PCDH9: variants seen among roughly 807,000 people sequenced by gnomAD.
PCDH9 encodes the protein protocadherin 9, also known as protocadherin-9.
PCDH9 carries 24 observed loss-of-function variants against 70.6 expected under a neutral mutation model. The observed-to-expected ratio is 0.34, with a 90% CI of 0.25 to 0.48. The LOEUF (loss-of-function observed/expected upper bound fraction) is 0.48. Ranked by LOEUF, PCDH9 falls within the 20% of genes least tolerant of loss-of-function variation. PCDH9 has a pLI of 0.99. For missense variants in PCDH9, 1,281 were observed against 1,503.6 expected, an observed-to-expected ratio of 0.85 and a Z score of 2.45; for synonymous variants, 562 against 558.5, an observed-to-expected ratio of 1.01 and a Z score of -0.09.
intron 3 of PCDH9, among the ~76,000 whole-genome samples, chr13:66,717,652 C>A (rs1193158030): frequency 6.6e-6 from 1 of 151,626 alleles, no homozygotes; most frequent in African/African-American, 2.4e-5. Context: ...TTAACATTGC[C>A]TTTAGAACAG....
intron 3 of PCDH9, among the ~76,000 whole-genome samples, chr13:66,776,117 T>C (rs1053461032): frequency 3.9e-5 from 6 of 152,128 alleles, no homozygotes; most frequent in Admixed American, 6.6e-5. Context: ...GCTCTTTTGA[T>C]GGGACGTATC....
chr13:66,642,485 C>G (rs529587108), intron 3 of PCDH9, among the ~76,000 whole-genome samples: 1 of 152,010 alleles, frequency 6.6e-6, no homozygotes, highest in African/African-American at 2.4e-5. Flanking sequence ...TATAAAGTAT[C>G]TATTCTGTTC....
At position 66,903,227 on chromosome 13, in the gene PCDH9, T is replaced by C. The variant is rs569525604; in HGVS notation, c.3138+277A>G. On this transcript the variant is annotated intron_variant, in intron 3 of 4. Coordinates refer to ENST00000377865, the MANE Select transcript of PCDH9 (RefSeq NM_203487.3). ...TAAAAGAAAGTTGCTTATTACTTTCTTTAAAAATAGGTAAAAATCAGTACT... is the reference window on the plus strand; with the variant it reads ...TAAAAGAAAGTTGCTTATTACTTTCCTTAAAAATAGGTAAAAATCAGTACT... Among the ~76,000 whole-genome samples, 10 of 152,016 alleles carry C rather than the reference T, an allele frequency of 6.6e-5. 1 individual carries two copies. In the South Asian group the frequency reaches 2.1e-3, roughly 31 times the overall value.
At chr13:66,519,427 G>A (rs893396101) in intron 4 of PCDH9, among the ~76,000 whole-genome samples, 9 of 152,150 alleles carry the variant, frequency 5.9e-5, no homozygotes, top group Non-Finnish European at 1.0e-4. Flanking sequence ...GACCATCAAC[G>A]GAAGAGGCAG....
intron 4 of PCDH9, among the ~76,000 whole-genome samples, chr13:66,502,504 C>A (rs1265530994): frequency 6.6e-6 from 1 of 151,958 alleles, no homozygotes; most frequent in Non-Finnish European, 1.5e-5. Flanking sequence ...ACTATATAAA[C>A]ACACTATAAA....
At chr13:66,602,351 A>G (rs1430166360) in intron 4 of PCDH9, among the ~76,000 whole-genome samples, 1 of 146,282 alleles carries the variant, frequency 6.8e-6, no homozygotes, top group Non-Finnish European at 1.5e-5. Context: ...TTATTATAGG[A>G]GATAACAGCT....
intron 2 of PCDH9, among the ~76,000 whole-genome samples, chr13:66,956,608 G>A (rs1455227346): frequency 1.3e-5 from 2 of 152,006 alleles, no homozygotes; most frequent in Admixed American, 6.6e-5. Flanking sequence ...AAAATTAGCC[G>A]ACCGTGGTGG....
chr13:67,184,420 G>T (rs1015269739), intron 2 of PCDH9, among the ~76,000 whole-genome samples: 1 of 152,008 alleles, frequency 6.6e-6, no homozygotes, highest in Non-Finnish European at 1.5e-5. Context: ...ATTTATGGAG[G>T]TACAGGTTTC....
chr13:66,651,150 C>A (rs1410548492), intron 3 of PCDH9, among the ~76,000 whole-genome samples: 1 of 150,920 alleles, frequency 6.6e-6, no homozygotes, highest in East Asian at 1.9e-4. Context: ...CCAAAGTGAA[C>A]CTAAGTTAGT....
chr13:66,947,393 A>G (rs1198997536), intron 2 of PCDH9, among the ~76,000 whole-genome samples: 1 of 152,148 alleles, frequency 6.6e-6, no homozygotes, highest in Non-Finnish European at 1.5e-5. Flanking sequence ...TCTTTTCTAT[A>G]AAAATAAATT....
chr13:66,430,179 C>T (rs1283670681), intron 4 of PCDH9, among the ~76,000 whole-genome samples: 1 of 152,010 alleles, frequency 6.6e-6, no homozygotes, highest in Non-Finnish European at 1.5e-5. Flanking sequence ...AATCACACAG[C>T]AAAAGCTACT....
intron 3 of PCDH9, among the ~76,000 whole-genome samples, chr13:66,673,468 GA>G (rs2078204472): frequency 1.3e-5 from 2 of 152,172 alleles, no homozygotes; most frequent in East Asian, 3.9e-4. Context: ...AATACATTGG[GA>G]CACAGAGACA....
At chr13:66,487,175 G>A (rs1472535157) in intron 4 of PCDH9, among the ~76,000 whole-genome samples, 1 of 152,158 alleles carries the variant, frequency 6.6e-6, no homozygotes. Flanking sequence ...TTGCCAGGAT[G>A]CAGTGCTATA....
intron 2 of PCDH9, among the ~76,000 whole-genome samples, chr13:67,058,518 T>C (rs1463630573): frequency 1.3e-5 from 2 of 152,178 alleles, no homozygotes; most frequent in Non-Finnish European, 2.9e-5. Context: ...ACACTACCAC[T>C]GATAAACCAA....
At chr13:66,508,942 T>G (rs1321252113) in intron 4 of PCDH9, among the ~76,000 whole-genome samples, 1 of 152,202 alleles carries the variant, frequency 6.6e-6, no homozygotes, top group African/African-American at 2.4e-5. Context: ...GAAAGACTTC[T>G]CGGGATGTTG....
At chr13:66,745,847 A>T (rs1230443137) in intron 3 of PCDH9, among the ~76,000 whole-genome samples, 2 of 152,200 alleles carry the variant, frequency 1.3e-5, no homozygotes, top group Non-Finnish European at 2.9e-5. Context: ...TGTCGGATTA[A>T]TTATCACAGC....
At chr13:67,079,945 C>A (rs994202067) in intron 2 of PCDH9, among the ~76,000 whole-genome samples, 55 of 152,294 alleles carry the variant, frequency 3.6e-4, no homozygotes, top group Non-Finnish European at 6.0e-4. Context: ...ATGCCTAAAA[C>A]CCACCTATGA....
intron 2 of PCDH9, among the ~76,000 whole-genome samples, chr13:67,101,392 G>A (rs1397507783): frequency 6.6e-6 from 1 of 152,166 alleles, no homozygotes; most frequent in Non-Finnish European, 1.5e-5. Flanking sequence ...CTTTTCTCCT[G>A]AGATCCAATG....
At chr13:66,515,738 A>AC (rs1399631060) in intron 4 of PCDH9, among the ~76,000 whole-genome samples, 1 of 152,046 alleles carries the variant, frequency 6.6e-6, no homozygotes, top group Non-Finnish European at 1.5e-5. Flanking sequence ...AGTAAAATTT[A>AC]TAGAAAATTA....
Sources: gnomAD v4.1 joint callset for allele counts (sites outside exome capture counted in the v4.1 genomes callset) on GRCh38, gnomAD v4.1.1 for gene constraint, MANE v1.5 for transcripts, NCBI Gene and HGNC (gene_info 2026-07-23, HGNC 2026-07-21) for gene names.